The following ROBO2 variants were observed in gnomAD, a reference collection of about 807,000 sequenced individuals.
ROBO2 encodes roundabout homolog 2.
ROBO2 carries 53 observed loss-of-function variants against 160.8 expected under a neutral mutation model. That is an observed-to-expected ratio of 0.33 (90% CI 0.26 to 0.41). The LOEUF (loss-of-function observed/expected upper bound fraction) is 0.41, where lower values mean the gene tolerates loss of function less well. ROBO2 is among the 10% of genes least tolerant of loss of function. The pLI is 1.00. For missense variants in ROBO2, 1,577 were observed against 1,722.4 expected (o/e 0.92, Z 1.49); for synonymous variants, 664 against 611.7 (o/e 1.09, Z -1.26).
chr3:76,613,738 C>G (rs1036997810), intron 2 of ROBO2, among the ~76,000 whole-genome samples: 10 of 151,924 alleles, frequency 6.6e-5, no homozygotes, highest in African/African-American at 2.4e-4. Context: ...TAAAGTTCAT[C>G]TCTTTAAAGG....
At chr3:76,299,184 G>A (rs1237843989) in intron 2 of ROBO2, among the ~76,000 whole-genome samples, 4 of 152,176 alleles carry the variant, frequency 2.6e-5, no homozygotes, top group African/African-American at 9.7e-5. Context: ...AAAGTATATA[G>A]CATGTTAAAA....
intron 2 of ROBO2, among the ~76,000 whole-genome samples, chr3:77,450,895 G>A (rs1053392160): frequency 6.6e-6 from 1 of 151,644 alleles, no homozygotes; most frequent in Non-Finnish European, 1.5e-5. Context: ...ATTAAAATTC[G>A]GAGTATAGTG....
intron 2 of ROBO2, among the ~76,000 whole-genome samples, chr3:76,937,512 TATTA>T (rs1370448137): frequency 1.3e-4 from 19 of 151,990 alleles, no homozygotes; most frequent in African/African-American, 4.6e-4. Context: ...TTATGTAATT[TATTA>T]GTCTGATTAG....
intron 2 of ROBO2, among the ~76,000 whole-genome samples, chr3:76,048,744 G>A (rs1012490556): frequency 2.0e-5 from 3 of 152,156 alleles, no homozygotes; most frequent in Non-Finnish European, 2.9e-5. Context: ...GGGCACACAA[G>A]AGCATCCATG....
chr3:76,689,285 C>A (rs1167718996), intron 2 of ROBO2, among the ~76,000 whole-genome samples: 1 of 151,960 alleles, frequency 6.6e-6, no homozygotes, highest in Non-Finnish European at 1.5e-5. Flanking sequence ...TGGTACTGGG[C>A]TAGCAAAGTT....
intron 2 of ROBO2, among the ~76,000 whole-genome samples, chr3:76,018,839 A>G (rs1030287129): frequency 6.6e-6 from 1 of 151,884 alleles, no homozygotes; most frequent in Non-Finnish European, 1.5e-5. Context: ...TTCCAAGCGT[A>G]TCTGAGAATA....
chr3:76,118,871 A>C (rs2070594175), intron 2 of ROBO2, among the ~76,000 whole-genome samples: 1 of 152,190 alleles, frequency 6.6e-6, no homozygotes, highest in Admixed American at 6.5e-5. Context: ...GGCACCGTTT[A>C]ATTAAAATCT....
intron 2 of ROBO2, among the ~76,000 whole-genome samples, chr3:77,382,845 A>G (rs938878760): frequency 3.9e-5 from 6 of 152,174 alleles, no homozygotes; most frequent in African/African-American, 1.4e-4. Flanking sequence ...TTGCTTCCAT[A>G]TCTTTGGATT....
At chr3:76,706,578 A>C (rs578026425) in intron 2 of ROBO2, among the ~76,000 whole-genome samples, 1 of 152,200 alleles carries the variant, frequency 6.6e-6, no homozygotes, top group Non-Finnish European at 1.5e-5. Flanking sequence ...ATTTAGTATA[A>C]ATTTAATATA....
intron 1 of ROBO2, among the ~76,000 whole-genome samples, chr3:77,079,606 G>A (rs2068415214): frequency 6.6e-6 from 1 of 152,220 alleles, no homozygotes; most frequent in African/African-American, 2.4e-5. Context: ...TCATGTGAAA[G>A]TAGTTTACCA....
At chr3:76,871,977 C>A (rs1233778896) in intron 2 of ROBO2, among the ~76,000 whole-genome samples, 1 of 152,086 alleles carries the variant, frequency 6.6e-6, no homozygotes, top group East Asian at 1.9e-4. Flanking sequence ...TTCTTTCATT[C>A]TTTCTTTTTC....
Position 77,363,642 on chromosome 3 carries a change from TGA to T in ROBO2, c.389-113768_389-113767del, listed in dbSNP as rs372313968. Among the ~76,000 whole-genome samples, 34 of 152,288 alleles carry T rather than the reference TGA, an allele frequency of 2.2e-4. No individual in the cohort carries two copies. The East Asian group carries it at 2.5e-3, about 11-fold the overall frequency. On this transcript the variant is annotated intron_variant, in intron 2 of 25. Transcript: ENST00000461745. ...AGGATATGATTTGCTGACAATAGAC[TGA>T]GAGTGTGGCAAACCGAGCCAGGCTG...
intron 2 of ROBO2, among the ~76,000 whole-genome samples, chr3:76,022,723 A>G (rs2066609734): frequency 6.6e-6 from 1 of 151,710 alleles, no homozygotes; most frequent in Non-Finnish European, 1.5e-5. Flanking sequence ...TATAGAGTAC[A>G]GGCACAGTAG....
chr3:75,911,202 T>C (rs1327309174), intron 1 of ROBO2, among the ~76,000 whole-genome samples: 1 of 152,166 alleles, frequency 6.6e-6, no homozygotes, highest in East Asian at 1.9e-4. Flanking sequence ...GTGAAAAAAT[T>C]ACAGCTTCTC....
At chr3:76,717,504 A>G (rs1267367005) in intron 2 of ROBO2, among the ~76,000 whole-genome samples, 1 of 151,486 alleles carries the variant, frequency 6.6e-6, no homozygotes, top group Non-Finnish European at 1.5e-5. Context: ...AAAAAAAAAA[A>G]AAGAAAAAAG....
intron 2 of ROBO2, chr3:77,317,612 T>G (rs1386740363): frequency 3.1e-6 from 3 of 977,708 alleles, no homozygotes; most frequent in Admixed American, 2.3e-5. Context: ...AGCCGTCTTC[T>G]GCTCAAAGGT....
chr3:76,534,422 T>C (rs1225850542), intron 2 of ROBO2, among the ~76,000 whole-genome samples: 1 of 152,184 alleles, frequency 6.6e-6, no homozygotes, highest in African/African-American at 2.4e-5. Context: ...TCCCATCATA[T>C]GAATAGGATT....
chr3:76,348,886 G>A (rs1247618335), intron 2 of ROBO2, among the ~76,000 whole-genome samples: 1 of 152,078 alleles, frequency 6.6e-6, no homozygotes, highest in Non-Finnish European at 1.5e-5. Context: ...AAGTTATGGA[G>A]GCTGGTGAAA....
intron 13 of ROBO2, among the ~76,000 whole-genome samples, chr3:77,572,871 G>A (rs1046329086): frequency 2.0e-5 from 3 of 151,934 alleles, no homozygotes; most frequent in African/African-American, 2.4e-5. Context: ...GAAAGAATAC[G>A]TTTTGTTTAT....
Sources: allele counts gnomAD v4.1 joint callset (sites outside exome capture counted in the v4.1 genomes callset), GRCh38; gene constraint gnomAD v4.1.1; transcripts MANE v1.5; gene names NCBI Gene and HGNC (gene_info 2026-07-23, HGNC 2026-07-21).